The following LAMA3 variants were observed in gnomAD, a reference collection of about 807,000 sequenced individuals.
LAMA3 encodes laminin subunit alpha 3.
Under a neutral mutation model 402.0 loss-of-function variants are expected in LAMA3, and 281 were observed. The ratio of observed to expected loss-of-function variants is 0.70; its 90% CI spans 0.63 to 0.77. The LOEUF (loss-of-function observed/expected upper bound fraction) is 0.77. LAMA3 is among the 30% of genes least tolerant of loss of function. The pLI, the probability that LAMA3 is intolerant of heterozygous loss-of-function variation, is 0.00. For missense variants in LAMA3, 3,840 were observed against 4,215.5 expected (o/e 0.91, Z 2.47); for synonymous variants, 1,431 against 1,558.4 (o/e 0.92, Z 1.93).
rs1316646874 is a variant in LAMA3, at chr18:23,815,579, T to G, written c.2047+6T>G. ...CAATTACTTTGGGTGTCAAGGTAAA[T>G]AAGTCCATTGGGCCCTGAGCAAAGC... On this transcript the variant is annotated splice_donor_region_variant and intron_variant, in intron 17 of 74. Transcript: ENST00000313654. The G allele has an allele frequency of 5.7e-6, 9 of 1,580,164 alleles. No homozygotes were observed. The highest frequency in any genetic ancestry group is 7.8e-6 in the Non-Finnish European group (9 of 1,149,222).
intron 72 of LAMA3, among the ~76,000 whole-genome samples, chr18:23,951,287 T>C (rs2082898671): frequency 6.6e-6 from 1 of 152,238 alleles, no homozygotes; most frequent in South Asian, 2.1e-4. Flanking sequence ...TGCAGCAGGC[T>C]GTAGGCCTCC....
chr18:23,943,361 G>C (rs915882106), intron 68 of LAMA3, among the ~76,000 whole-genome samples: 5 of 152,184 alleles, frequency 3.3e-5, no homozygotes, highest in African/African-American at 4.8e-5. Context: ...GAGTTCTCGA[G>C]ATTGATTGTA....
At position 23,931,156 on chromosome 18, in the gene LAMA3, T is replaced by G. The variant is rs1306598412; in HGVS notation, c.8531T>G (p.Met2844Arg). 6.2e-7 allele frequency: 1 copy of G among 1,613,254 alleles called. No homozygotes were observed. The highest frequency in any genetic ancestry group is 1.1e-5 in the South Asian group (1 of 91,060). The change falls in exon 65 of 75, where the codon ATG (methionine) becomes AGG (arginine). Residue 2844 changes from methionine to arginine, a missense_variant. By Grantham distance (91) the Met-to-Arg change is moderately conservative. This residue lies in a region of LAMA3 where 840 missense variants were observed against 981.9 expected (regional missense o/e 0.86). Coordinates refer to ENST00000313654, the MANE Select transcript of LAMA3 (RefSeq NM_198129.4). ...ATTTTTAAATCTCCACAGACGTATA[T>G]GGATGGTTTACTGCATTATGTATCT... ...GPIFKSPQTY[M>R]DGLLHYVSVI...
At position 23,940,189 on chromosome 18, in the gene LAMA3, G is replaced by A. The variant is rs370513241; in HGVS notation, c.9026+803G>A. On this transcript the variant is annotated intron_variant, in intron 68 of 74. Coordinates refer to ENST00000313654, the MANE Select transcript of LAMA3 (RefSeq NM_198129.4). ...AGATGGGGGCAGGCAGGGAGAGCCC[G>A]CAGATGGCTGTGGGCCTGCAGATAC... is the stretch of plus-strand genomic sequence containing the variant. 2.4e-4 allele frequency among the ~76,000 whole-genome samples: 36 copies of A among 152,284 alleles called. No homozygotes were observed. In the South Asian group the frequency reaches 7.1e-3, roughly 30 times the overall value.
chr18:23,853,140 A>G (rs1210332909), intron 32 of LAMA3, among the ~76,000 whole-genome samples: 1 of 152,194 alleles, frequency 6.6e-6, no homozygotes, highest in Non-Finnish European at 1.5e-5. Flanking sequence ...ATGTCCCCTA[A>G]CAAAGGAATG....
intron 8 of LAMA3, among the ~76,000 whole-genome samples, chr18:23,769,420 TA>T (rs1037508710): frequency 1.3e-5 from 2 of 152,202 alleles, no homozygotes; most frequent in Non-Finnish European, 2.9e-5. Flanking sequence ...ATGGTATTTA[TA>T]AAATGCATGT....
chr18:23,868,412 C>G (rs1455015594), intron 37 of LAMA3, among the ~76,000 whole-genome samples: 1 of 152,100 alleles, frequency 6.6e-6, no homozygotes, highest in Non-Finnish European at 1.5e-5. Context: ...TTAAAAACCC[C>G]ATGAGTCAGC....
At chr18:23,946,622 G>T in intron 70 of LAMA3, 1 of 244,868 alleles carries the variant, frequency 4.1e-6, no homozygotes, top group Non-Finnish European at 8.0e-6. Context: ...AACATAATGT[G>T]TTTCAAATTA....
intron 67 of LAMA3, among the ~76,000 whole-genome samples, chr18:23,936,642 T>C (rs1204144658): frequency 6.6e-6 from 1 of 152,112 alleles, no homozygotes; most frequent in East Asian, 1.9e-4. Context: ...GATAAAGAAT[T>C]CCATGTTAGC....
intron 32 of LAMA3, among the ~76,000 whole-genome samples, chr18:23,850,919 C>T (rs919053308): frequency 3.9e-5 from 6 of 152,354 alleles, no homozygotes; most frequent in Admixed American, 2.0e-4. Flanking sequence ...GATGGCAGTC[C>T]ACCTGGACAT....
intron 12 of LAMA3, among the ~76,000 whole-genome samples, chr18:23,784,665 C>T (rs1383798511): frequency 6.6e-6 from 1 of 152,078 alleles, no homozygotes; most frequent in African/African-American, 2.4e-5. Context: ...CCCATCCCGG[C>T]AAGGGTCGCT....
At chr18:23,804,454 CCTGACA>C (rs1422794217) in intron 12 of LAMA3, among the ~76,000 whole-genome samples, 1 of 152,180 alleles carries the variant, frequency 6.6e-6, no homozygotes, top group Non-Finnish European at 1.5e-5. Context: ...ATTTTTACCT[CCTGACA>C]CCCAAATGTC....
In LAMA3 at chr18:23,907,892, G is replaced by T; in HGVS notation, c.6972G>T (p.Gln2324His). Residue 2324 changes from glutamine (Q) to histidine (H), a missense_variant, in exon 54 of 75, where the codon CAG becomes CAT. Coordinates refer to ENST00000313654, the MANE Select transcript of LAMA3 (RefSeq NM_198129.4). Reference protein sequence around the residue: ...ERIKDTYGRTQNEDFKKALTD... With the variant: ...ERIKDTYGRTHNEDFKKALTD... ...TTAAGGACACCTATGGGAGGACACA[G>T]AACGAAGACTTCAAAAAGGCTCTGA... The T allele has an allele frequency of 6.2e-7, 1 of 1,614,072 alleles. No individual in the cohort carries two copies. Among genetic ancestry groups the T allele is most frequent in the South Asian group, 1.1e-5 (1 of 91,054 alleles).
chr18:23,893,710 G>GC (rs993981492), intron 42 of LAMA3, among the ~76,000 whole-genome samples: 6 of 152,146 alleles, frequency 3.9e-5, no homozygotes, highest in Non-Finnish European at 7.4e-5. Flanking sequence ...TAACTTGTCT[G>GC]CCCCCCGTGT....
chr18:23,775,526 A>G (rs1339100357), intron 9 of LAMA3, among the ~76,000 whole-genome samples: 2 of 138,082 alleles, frequency 1.4e-5, no homozygotes, highest in Admixed American at 1.6e-4. Flanking sequence ...CCTCTGACTC[A>G]GTGAGCTGGG....
At chr18:23,908,090 A>G (rs1374182215) in intron 54 of LAMA3, among the ~76,000 whole-genome samples, 155 bp downstream of exon 54, 2 of 152,238 alleles carry the variant, frequency 1.3e-5, no homozygotes, top group African/African-American at 2.4e-5. Context: ...AAGCGTATAG[A>G]TATCCTGCTA....
At chr18:23,847,335 G>T in intron 31 of LAMA3, 129 bp from the exon 32 acceptor site, 2 of 956,304 alleles carry the variant, frequency 2.1e-6, no homozygotes, top group East Asian at 2.6e-5. Context: ...CCAAGAAATG[G>T]GCCTTTCAGA....
intron 12 of LAMA3, among the ~76,000 whole-genome samples, chr18:23,797,525 C>T (rs763824647): frequency 1.3e-5 from 2 of 152,124 alleles, no homozygotes; most frequent in Non-Finnish European, 1.5e-5. Flanking sequence ...ACCAGCCTGG[C>T]CAATGTGGTA....
At chr18:23,771,403 A>C (rs1051447088) in intron 8 of LAMA3, among the ~76,000 whole-genome samples, 13 of 152,242 alleles carry the variant, frequency 8.5e-5, no homozygotes, top group Non-Finnish European at 7.3e-5. Flanking sequence ...GACTTTGAAG[A>C]GTTGATGATG....
Sources: allele counts gnomAD v4.1 joint callset (sites outside exome capture counted in the v4.1 genomes callset), GRCh38; gene constraint gnomAD v4.1.1; regional missense constraint gnomAD v4.1.1; transcripts MANE v1.5; gene names NCBI Gene and HGNC (gene_info 2026-07-23, HGNC 2026-07-21).